The following VRK3 variants were observed in gnomAD, a reference collection of about 807,000 sequenced individuals.
VRK3 encodes VRK serine/threonine kinase 3, also known as serine/threonine-protein kinase VRK3.
Under a neutral mutation model 60.4 loss-of-function variants are expected in VRK3, and 50 were observed. That is an observed-to-expected ratio of 0.83 (90% confidence interval 0.66 to 1.05). VRK3 has a LOEUF of 1.05. VRK3 is among the 50% of genes least tolerant of loss of function. The pLI is 0.00. For missense variants in VRK3, 549 were observed against 585.3 expected, an observed-to-expected ratio of 0.94 and a Z score of 0.64; for synonymous variants, 246 against 227.8, an observed-to-expected ratio of 1.08 and a Z score of -0.72.
intron 5 of VRK3, among the ~76,000 whole-genome samples, chr19:50,003,690 T>C (rs781412749): frequency 1.3e-5 from 2 of 152,258 alleles, no homozygotes; most frequent in Non-Finnish European, 2.9e-5. Context: ...TTTACTGTTA[T>C]TGCTTTAAAT....
intron 13 of VRK3, among the ~76,000 whole-genome samples, chr19:49,979,452 G>C (rs988817101): frequency 1.3e-5 from 2 of 152,210 alleles, no homozygotes; most frequent in Non-Finnish European, 2.9e-5. Context: ...ACCAGTAGAA[G>C]GGCATGAACA....
intron 12 of VRK3, among the ~76,000 whole-genome samples, chr19:49,985,882 GGCCCAGGTTTGA>G (rs1488827982): frequency 3.9e-5 from 6 of 152,206 alleles, no homozygotes; most frequent in African/African-American, 1.4e-4. Flanking sequence ...GGAGTTGAAT[GGCCCAGGTTTGA>G]GCCCAGGAGC....
At chr19:49,981,583 GTA>G (rs1289651706) in intron 12 of VRK3, 1 of 575,130 alleles carries the variant, frequency 1.7e-6, no homozygotes, top group Non-Finnish European at 2.2e-6. Flanking sequence ...CTTGTTTTAT[GTA>G]TGTTTCTGTT....
At chr19:49,978,765 G>A (rs1233555292) in intron 14 of VRK3, 3 of 224,722 alleles carry the variant, frequency 1.3e-5, no homozygotes, top group African/African-American at 4.6e-5. Context: ...AGAAGATGGC[G>A]AGAGACAAAC....
intron 9 of VRK3, 95 bp downstream of exon 9, chr19:49,994,719 T>TG: frequency 9.2e-7 from 1 of 1,084,124 alleles, no homozygotes; most frequent in Non-Finnish European, 1.3e-6. Flanking sequence ...CGGAGGGGGG[T>TG]GGGGGCCGGA....
chr19:49,980,946 AGGAC>A lies in VRK3; in HGVS notation c.1276+5_1276+8del. 2 of 1,607,828 alleles carry A rather than the reference AGGAC, an allele frequency of 1.2e-6. No homozygotes were observed. The highest frequency in any genetic ancestry group is 1.7e-6 in the Non-Finnish European group (2 of 1,177,128). Reference sequence around the variant, plus strand: ...GTCCCCGCCTGTTCCCGCTCCCTTCAGGACGTACCTGAGGGCCTGATCCAGTGAC... The same window carrying A: ...GTCCCCGCCTGTTCCCGCTCCCTTCAGTACCTGAGGGCCTGATCCAGTGAC... On this transcript the variant is annotated splice_donor_5th_base_variant and intron_variant, in intron 13 of 14. Coordinates refer to ENST00000316763, the MANE Select transcript of VRK3 (RefSeq NM_016440.4).
chr19:50,000,769 C>T, intron 6 of VRK3, 21 bp downstream of exon 6: 1 of 1,606,430 alleles, frequency 6.2e-7, no homozygotes, highest in African/African-American at 1.3e-5. Flanking sequence ...CAAGCTGCCC[C>T]CCACCTGCAG....
intron 12 of VRK3, chr19:49,981,793 G>C (rs1298672506): frequency 2.4e-5 from 25 of 1,026,586 alleles, no homozygotes; most frequent in South Asian, 7.6e-5. Flanking sequence ...CACACACACA[G>C]ACACACACAC....
intron 3 of VRK3, among the ~76,000 whole-genome samples, chr19:50,012,434 T>C (rs989669197): frequency 6.6e-6 from 1 of 152,204 alleles, no homozygotes; most frequent in Admixed American, 6.5e-5. Flanking sequence ...TCTGTTGTCT[T>C]ACTGAGAGAC....
intron 11 of VRK3, among the ~76,000 whole-genome samples, 196 bp downstream of exon 11, chr19:49,989,443 A>G (rs969757876): frequency 6.6e-6 from 1 of 151,992 alleles, no homozygotes; most frequent in African/African-American, 2.4e-5. Flanking sequence ...CCAGCCTCCC[A>G]CTATGCTTAG....
At chr19:50,001,204 C>T in intron 5 of VRK3, 2 of 208,104 alleles carry the variant, frequency 9.6e-6, no homozygotes, top group Non-Finnish European at 1.9e-5. Flanking sequence ...CTGTGCAACA[C>T]CTGCTTTCCT....
In VRK3 at chr19:50,007,619, C is replaced by T; in HGVS notation, c.497G>A (p.Trp166Ter). The change falls in exon 5 of 15, where the codon TGG (tryptophan) becomes TAG (stop). Residue 166 changes from tryptophan (W) to a stop codon, truncating the protein, a stop_gained. Transcript: ENST00000316763. LOFTEE classifies it high-confidence loss of function. ...TVLTDKSGRQ[W>*]KLKSFQTRDN... Reference sequence around the variant, plus strand: ...CCTGGTCTGGAAGGACTTCAGCTTCCACTGTCGCCCACTCTTGTCTGTCAG... The same window carrying T: ...CCTGGTCTGGAAGGACTTCAGCTTCTACTGTCGCCCACTCTTGTCTGTCAG... 4 of 1,614,180 alleles carry T rather than the reference C, an allele frequency of 2.5e-6. No homozygotes were observed. The East Asian group carries it at 8.9e-5, about 36-fold the overall frequency.
At chr19:49,981,073 A>T in intron 12 of VRK3, 60 bp from the exon 13 acceptor site, 1 of 1,482,640 alleles carries the variant, frequency 6.7e-7, no homozygotes, top group South Asian at 1.2e-5. Flanking sequence ...ACCTTTTAAA[A>T]CAGAATGCCT....
At chr19:49,997,842 C>T in intron 6 of VRK3, 1 of 354,052 alleles carries the variant, frequency 2.8e-6, no homozygotes, top group South Asian at 3.8e-5. Flanking sequence ...TTCCCAGCTT[C>T]CTTTGCAGTG....
chr19:49,981,551 A>T, intron 12 of VRK3: 1 of 449,964 alleles, frequency 2.2e-6, no homozygotes, highest in Non-Finnish European at 2.9e-6. Flanking sequence ...TCTCAAAAAC[A>T]AAACAAAACA....
intron 5 of VRK3, among the ~76,000 whole-genome samples, chr19:50,003,107 T>C (rs1219581103): frequency 6.6e-6 from 1 of 151,980 alleles, no homozygotes; most frequent in Non-Finnish European, 1.5e-5. Context: ...CATGCTGTCA[T>C]TCGAAAGGTC....
intron 1 of VRK3, among the ~76,000 whole-genome samples, chr19:50,023,002 C>T (rs1014505755): frequency 2.0e-5 from 3 of 152,100 alleles, no homozygotes; most frequent in Admixed American, 1.3e-4. Context: ...ACAACAGCTT[C>T]GGTGCTTTTC....
intron 10 of VRK3, among the ~76,000 whole-genome samples, chr19:49,992,587 T>C (rs1461287215): frequency 1.3e-5 from 2 of 152,230 alleles, no homozygotes; most frequent in African/African-American, 4.8e-5. Flanking sequence ...TAGTATCTTG[T>C]TTTAAGTTAC....
intron 12 of VRK3, chr19:49,981,218 GCAAGCCTCTGGCCA>G (rs2076416531): frequency 3.3e-6 from 2 of 603,902 alleles, no homozygotes; most frequent in Admixed American, 5.4e-5. Context: ...ACTGCTTCCT[GCAAGCCTCTGGCCA>G]CACGATTTTC....
Sources: allele counts gnomAD v4.1 joint callset (sites outside exome capture counted in the v4.1 genomes callset), GRCh38; gene constraint gnomAD v4.1.1; transcripts MANE v1.5; gene names NCBI Gene and HGNC (gene_info 2026-07-23, HGNC 2026-07-21).